Variants in ADAM17 observed in about 807,000 individuals in gnomAD.
ADAM17 encodes ADAM metallopeptidase domain 17.
In ADAM17, 39 loss-of-function variants were observed where a neutral mutation model predicts 96.7. That is an observed-to-expected ratio of 0.40 (90% confidence interval 0.31 to 0.53). The LOEUF is 0.53. Among genes scored for constraint, ADAM17 ranks in the 20% least tolerant of loss-of-function variants. The probability of loss-of-function intolerance (pLI) is 0.44; values close to 1 mark genes in which losing one functional copy is unlikely to be tolerated. For synonymous variants in ADAM17, 344 were observed against 359.2 expected (o/e 0.96, Z 0.48); for missense variants, 777 against 1,013.2 (o/e 0.77, Z 3.17).
Position 9,536,743 on chromosome 2 carries a change from C to T in ADAM17, c.316G>A (p.Glu106Lys), listed in dbSNP as rs756840167. The change falls in exon 3 of 19, where the codon GAG becomes AAG. Residue 106 changes from glutamate (E) to lysine (K), a missense_variant. Glu to Lys is a moderately conservative substitution (Grantham distance 56, BLOSUM62 1). This residue lies in a region of ADAM17 where 134 missense variants were observed against 129.1 expected (regional missense o/e 1.04). Transcript: ENST00000310823. Reference sequence around the variant, plus strand: ...AAGTCCTGCCATTTTACAGTGTACTCGCTTTCGTTTTTACCATCCACCACC... The same window carrying T: ...AAGTCCTGCCATTTTACAGTGTACTTGCTTTCGTTTTTACCATCCACCACC... ...VVVVDGKNES[E>K]YTVKWQDFFT... is the part of the protein sequence containing the mutation. 6 of 1,613,942 alleles carry T rather than the reference C, an allele frequency of 3.7e-6. No homozygotes were observed. The highest frequency in any genetic ancestry group is 2.2e-5 in the East Asian group (1 of 44,872).
chr2:9,533,416 G>A (rs1664832823), intron 4 of ADAM17, among the ~76,000 whole-genome samples: 1 of 151,152 alleles, frequency 6.6e-6, no homozygotes, highest in African/African-American at 2.4e-5. Context: ...GTGTGGTGGT[G>A]CGCACCTGTA....
At chr2:9,548,016 G>A (rs1056978483) in intron 1 of ADAM17, among the ~76,000 whole-genome samples, 1 of 151,756 alleles carries the variant, frequency 6.6e-6, no homozygotes, top group African/African-American at 2.4e-5. Flanking sequence ...GCAGTGAGCT[G>A]ATATCGTGCC....
rs139401611 is a variant in ADAM17 at position 9,527,869 on chromosome 2, T to C, written c.536A>G (p.Gln179Arg). Residue 179 changes from glutamine (Q) to arginine (R), a missense_variant, in exon 5 of 19, where the codon CAG becomes CGG. Coordinates refer to ENST00000310823, the MANE Select transcript of ADAM17 (RefSeq NM_003183.6). Reference sequence around the variant, plus strand: ...TAAATAACCACACACTTTTGGAGACTGCAAACGTGAAACATTCTTGATATC... The same window carrying C: ...TAAATAACCACACACTTTTGGAGACCGCAAACGTGAAACATTCTTGATATC... ...SEDIKNVSRL[Q>R]SPKVCGYLKV... 35 of 1,603,946 alleles carry C rather than the reference T, an allele frequency of 2.2e-5. No individual in the cohort carries two copies. In the East Asian group the frequency reaches 7.6e-4, roughly 35 times the overall value.
chr2:9,496,840 C>G (rs1050231341), intron 14 of ADAM17, among the ~76,000 whole-genome samples: 5 of 152,294 alleles, frequency 3.3e-5, no homozygotes, highest in African/African-American at 1.2e-4. Context: ...CCACTCACCC[C>G]CAACAAAATT....
chr2:9,516,049 A>G (rs1215574672), intron 10 of ADAM17, among the ~76,000 whole-genome samples: 1 of 152,178 alleles, frequency 6.6e-6, no homozygotes, highest in South Asian at 2.1e-4. Flanking sequence ...GACTACAGGC[A>G]TGTACCCCTA....
chr2:9,536,660 A>G, intron 3 of ADAM17, 38 bp downstream of exon 3: 1 of 1,611,760 alleles, frequency 6.2e-7, no homozygotes, highest in Non-Finnish European at 8.5e-7. Flanking sequence ...GACCTAATAC[A>G]CCAGACACAG....
intron 7 of ADAM17, chr2:9,522,451 AT>A (rs1664353314): frequency 1.6e-6 from 1 of 607,690 alleles, no homozygotes. Context: ...TAAAAAGAAA[AT>A]GCGTAACAGT....
In ADAM17 at chr2:9,505,251, C is replaced by T; in HGVS notation, c.1459G>A (p.Glu487Lys). 1 of 1,614,216 alleles carries T rather than the reference C, an allele frequency of 6.2e-7. No homozygotes were observed. The highest frequency in any genetic ancestry group is 8.5e-7 in the Non-Finnish European group (1 of 1,180,050). Residue 487 changes from glutamate (E) to lysine (K), a missense_variant, in exon 12 of 19, where the codon GAA becomes AAA. By Grantham distance (56) the Glu-to-Lys change is moderately conservative (BLOSUM62 1). This residue lies in a region of ADAM17 where 446 missense variants were observed against 664.7 expected (regional missense o/e 0.67). Transcript: ENST00000310823. Reference protein sequence around the residue: ...VCGNSRVDEGEECDPGIMYLN... With the variant: ...VCGNSRVDEGKECDPGIMYLN... ...TACATGATGCCAGGATCACACTCTT[C>T]TCCTTCATCCACCCTCGAGTTCCCA...
At chr2:9,499,490 C>G (rs1021900196) in intron 13 of ADAM17, among the ~76,000 whole-genome samples, 2 of 152,170 alleles carry the variant, frequency 1.3e-5, no homozygotes, top group African/African-American at 2.4e-5. Context: ...CAAGCTCCGC[C>G]TCCCGGGTTC....
intron 1 of ADAM17, among the ~76,000 whole-genome samples, chr2:9,550,460 T>C (rs1339743890): frequency 6.8e-6 from 1 of 146,286 alleles, no homozygotes; most frequent in Non-Finnish European, 1.5e-5. Flanking sequence ...TTTTTTTTTT[T>C]TTTGAGATGG....
intron 17 of ADAM17, among the ~76,000 whole-genome samples, chr2:9,492,420 G>A (rs551089538): frequency 8.5e-4 from 129 of 152,340 alleles, no homozygotes; most frequent in Non-Finnish European, 1.7e-3. Flanking sequence ...TGGGGAAGAT[G>A]TAAATACTCT....
Position 9,505,301 on chromosome 2 carries a change from A to G in ADAM17, c.1409T>C (p.Phe470Ser). 1 of 1,614,206 alleles carries G rather than the reference A, an allele frequency of 6.2e-7. No individual in the cohort carries two copies. The highest frequency in any genetic ancestry group is 8.5e-7 in the Non-Finnish European group (1 of 1,180,038). Residue 470 changes from phenylalanine (F) to serine (S), a missense_variant, in exon 12 of 19, where the codon TTT becomes TCT. Physicochemically the swap from Phe to Ser is radical, Grantham distance 155 (BLOSUM62 -2). This residue lies in a region of ADAM17 where 446 missense variants were observed against 664.7 expected (regional missense o/e 0.67). Coordinates refer to ENST00000310823, the MANE Select transcript of ADAM17 (RefSeq NM_003183.6). ...KTIESKAQEC[F>S]QERSNKVCGN... is the part of the protein sequence containing the mutation. Reference sequence around the variant, plus strand: ...ACAAACTTTATTGCTGCGTTCTTGAAAACACTCCTGGGCCTTACTTTCAAT... The same window carrying G: ...ACAAACTTTATTGCTGCGTTCTTGAGAACACTCCTGGGCCTTACTTTCAAT...
At chr2:9,500,659 A>T (rs1662944385) in intron 13 of ADAM17, among the ~76,000 whole-genome samples, 1 of 152,242 alleles carries the variant, frequency 6.6e-6, no homozygotes, top group Non-Finnish European at 1.5e-5. Flanking sequence ...CAGAGGAACA[A>T]AAAAACTAGA....
At position 9,527,840 on chromosome 2, in the gene ADAM17, C is replaced by A; in HGVS notation, c.565G>T (p.Val189Leu). 1 of 1,606,080 alleles carries A rather than the reference C, an allele frequency of 6.2e-7. No homozygotes were observed. The highest frequency in any genetic ancestry group is 8.5e-7 in the Non-Finnish European group (1 of 1,176,992). ...QSPKVCGYLK[V>L]DNEELLPKGL... is the part of the protein sequence containing the mutation. ...TTTGGGAGCAACTCTTCATTATCCACTTTTAAATAACCACACACTTTTGGA... is the reference window on the plus strand; with the variant it reads ...TTTGGGAGCAACTCTTCATTATCCAATTTTAAATAACCACACACTTTTGGA... Residue 189 changes from valine (V) to leucine (L), a missense_variant, in exon 5 of 19, where the codon GTG (valine) becomes TTG (leucine). By Grantham distance (32) the Val-to-Leu change is conservative. Around this residue, in one of 3 missense-constraint regions of ADAM17, gnomAD observed 446 missense variants for 664.7 expected, o/e 0.67. Coordinates refer to ENST00000310823, the MANE Select transcript of ADAM17 (RefSeq NM_003183.6).
chr2:9,506,331 T>C (rs1057258426), intron 11 of ADAM17, among the ~76,000 whole-genome samples: 6 of 150,186 alleles, frequency 4.0e-5, no homozygotes, highest in Middle Eastern at 3.5e-3. Flanking sequence ...AAATACTAAC[T>C]GGCTTTTTAA....
intron 4 of ADAM17, among the ~76,000 whole-genome samples, chr2:9,532,932 T>G (rs549072331): frequency 6.6e-6 from 1 of 152,186 alleles, no homozygotes; most frequent in South Asian, 2.1e-4. Flanking sequence ...GGCTCATGCC[T>G]ATAATCTCAG....
chr2:9,550,036 G>A (rs753040370), intron 1 of ADAM17, among the ~76,000 whole-genome samples: 2 of 152,114 alleles, frequency 1.3e-5, no homozygotes, highest in Non-Finnish European at 2.9e-5. Flanking sequence ...CTGCTGTGAA[G>A]TGTTTATTGT....
chr2:9,542,004 C>T (rs1028639908), intron 2 of ADAM17, among the ~76,000 whole-genome samples: 1 of 152,196 alleles, frequency 6.6e-6, no homozygotes, highest in Admixed American at 6.5e-5. Context: ...CACACAACTG[C>T]ACTCCAGCCT....
chr2:9,552,038 C>A lies in ADAM17; in HGVS notation c.97+3471G>T, dbSNP rs544329474. Among the ~76,000 whole-genome samples, 3 of 152,284 alleles carry A rather than the reference C, an allele frequency of 2.0e-5. No individual in the cohort carries two copies. The East Asian group carries it at 5.8e-4, about 29-fold the overall frequency. On this transcript the variant is annotated intron_variant, in intron 1 of 18. Coordinates refer to ENST00000310823, the MANE Select transcript of ADAM17 (RefSeq NM_003183.6). ...TGTCATGCCAGCATTCAAAAAGTTTCAAATTTTGGAGCATTTCAGATTAGG... is the reference window on the plus strand; with the variant it reads ...TGTCATGCCAGCATTCAAAAAGTTTAAAATTTTGGAGCATTTCAGATTAGG...
Sources: allele counts gnomAD v4.1 joint callset (sites outside exome capture counted in the v4.1 genomes callset), GRCh38; gene constraint gnomAD v4.1.1; regional missense constraint gnomAD v4.1.1; transcripts MANE v1.5; gene names NCBI Gene and HGNC (gene_info 2026-07-23, HGNC 2026-07-21).